Variants in RNGTT observed in about 807,000 individuals in gnomAD.
RNGTT encodes the protein mRNA-capping enzyme.
In RNGTT, 33 loss-of-function variants were observed where a neutral mutation model predicts 79.3. That is an observed-to-expected ratio of 0.42 (90% CI 0.32 to 0.56). The LOEUF (loss-of-function observed/expected upper bound fraction) is 0.56, where lower values mean the gene tolerates loss of function less well. Ranked by LOEUF, RNGTT falls within the 20% of genes least tolerant of loss-of-function variation. The pLI, the probability that RNGTT is intolerant of heterozygous loss-of-function variation, is 0.17. For synonymous variants in RNGTT, 222 were observed against 235.9 expected (o/e 0.94, Z 0.54); for missense variants, 497 against 739.1 (o/e 0.67, Z 3.80).
At chr6:88,688,613 A>T (rs1310633468) in intron 13 of RNGTT, among the ~76,000 whole-genome samples, 1 of 152,246 alleles carries the variant, frequency 6.6e-6, no homozygotes, top group Non-Finnish European at 1.5e-5. Flanking sequence ...AAAATGATGG[A>T]AAGCATGTCA....
chr6:88,815,906 G>GAA (rs1780299376), intron 11 of RNGTT, among the ~76,000 whole-genome samples: 1 of 152,138 alleles, frequency 6.6e-6, no homozygotes, highest in South Asian at 2.1e-4. Context: ...ATGGAAGTGA[G>GAA]ACTTTCAGAA....
At chr6:88,815,914 G>T (rs1054880673) in intron 11 of RNGTT, among the ~76,000 whole-genome samples, 3 of 152,126 alleles carry the variant, frequency 2.0e-5, no homozygotes, top group African/African-American at 7.2e-5. Flanking sequence ...GAGACTTTCA[G>T]AAATAAACTT....
chr6:88,945,337 A>C (rs148839940), intron 1 of RNGTT, among the ~76,000 whole-genome samples: 1 of 152,164 alleles, frequency 6.6e-6, no homozygotes, highest in African/African-American at 2.4e-5. Context: ...CCCACTGAAA[A>C]TATTTGTCAC....
chr6:88,935,583 G>C (rs1047932609), intron 2 of RNGTT, among the ~76,000 whole-genome samples: 3 of 151,704 alleles, frequency 2.0e-5, no homozygotes, highest in African/African-American at 7.3e-5. Flanking sequence ...TAAAAAGTTA[G>C]GAGTTTTTTC....
At chr6:88,674,336 C>A (rs1774775960) in intron 14 of RNGTT, among the ~76,000 whole-genome samples, 1 of 152,040 alleles carries the variant, frequency 6.6e-6, no homozygotes, top group Admixed American at 6.5e-5. Flanking sequence ...TCATTTGAGT[C>A]CAGGAGTTTG....
intron 4 of RNGTT, among the ~76,000 whole-genome samples, chr6:88,914,484 A>G (rs1783933419): frequency 6.6e-6 from 1 of 152,036 alleles, no homozygotes; most frequent in African/African-American, 2.4e-5. Flanking sequence ...AAATAAAGCC[A>G]CATACCTACA....
intron 14 of RNGTT, among the ~76,000 whole-genome samples, chr6:88,637,718 T>C (rs1773150647): frequency 6.6e-6 from 1 of 152,126 alleles, no homozygotes. Flanking sequence ...AGAATCCTAA[T>C]GATCTGAATC....
chr6:88,764,627 T>A (rs1778389681), intron 13 of RNGTT, among the ~76,000 whole-genome samples: 1 of 152,238 alleles, frequency 6.6e-6, no homozygotes, highest in South Asian at 2.1e-4. Context: ...TTCTTATTTG[T>A]TTGTATATAC....
chr6:88,796,391 G>A (rs2127859273), intron 12 of RNGTT, among the ~76,000 whole-genome samples: 1 of 152,224 alleles, frequency 6.6e-6, no homozygotes, highest in African/African-American at 2.4e-5. Context: ...AGATAATACA[G>A]ATACAAAGAG....
chr6:88,769,733 C>G (rs775569000), intron 13 of RNGTT, 41 bp downstream of exon 13: 72 of 1,203,852 alleles, frequency 6.0e-5, no homozygotes, highest in Non-Finnish European at 8.6e-5. Flanking sequence ...CTTACACAAA[C>G]AGTATTATTT....
chr6:88,900,259 A>G (rs967630106), intron 6 of RNGTT, among the ~76,000 whole-genome samples: 1 of 152,194 alleles, frequency 6.6e-6, no homozygotes, highest in African/African-American at 2.4e-5. Flanking sequence ...ACTGGTTTTA[A>G]TATTTTCAAA....
At chr6:88,758,420 T>G (rs1778093598) in intron 13 of RNGTT, among the ~76,000 whole-genome samples, 1 of 152,224 alleles carries the variant, frequency 6.6e-6, no homozygotes, top group East Asian at 1.9e-4. Flanking sequence ...GCCTCAGAGC[T>G]ATTATACTTT....
At chr6:88,614,859 T>C (rs1772161117) in intron 14 of RNGTT, among the ~76,000 whole-genome samples, 2 of 152,222 alleles carry the variant, frequency 1.3e-5, no homozygotes, top group South Asian at 2.1e-4. Context: ...CAATAGTGAA[T>C]ACTAGGATCA....
intron 14 of RNGTT, among the ~76,000 whole-genome samples, chr6:88,656,524 C>T (rs1459870488): frequency 6.6e-6 from 1 of 152,008 alleles, no homozygotes; most frequent in Non-Finnish European, 1.5e-5. Context: ...CTTGAGAGAA[C>T]ATTTTATTCA....
intron 12 of RNGTT, among the ~76,000 whole-genome samples, chr6:88,771,652 C>A (rs924407390): frequency 7.9e-5 from 12 of 151,904 alleles, no homozygotes; most frequent in Non-Finnish European, 1.2e-4. Context: ...GACATCTTAA[C>A]CAAATTGAAT....
Position 88,906,266 on chromosome 6 carries a change from A to T in RNGTT, c.443+99T>A, listed in dbSNP as rs1783650997. The T allele has an allele frequency of 5.9e-6, 4 of 675,636 alleles. No individual in the cohort carries two copies. The Admixed American group carries it at 9.3e-5, about 16-fold the overall frequency. 41.9% of individuals were successfully genotyped at this position (675,636 alleles called of 1,614,324 possible). ...AGCAGTTCAAATTACATTAATCATG[A>T]GTTCACCAAAAACTTGACAATACAA... On this transcript the variant is annotated intron_variant, in intron 5 of 15. Coordinates refer to ENST00000369485, the MANE Select transcript of RNGTT (RefSeq NM_003800.5).
intron 14 of RNGTT, among the ~76,000 whole-genome samples, chr6:88,639,963 A>T (rs752641318): frequency 5.3e-5 from 8 of 152,170 alleles, no homozygotes; most frequent in Non-Finnish European, 1.0e-4. Context: ...AATGACTTCA[A>T]TCAGGGAGGC....
intron 6 of RNGTT, among the ~76,000 whole-genome samples, chr6:88,901,694 A>C (rs896806332): frequency 6.6e-6 from 1 of 151,824 alleles, no homozygotes; most frequent in East Asian, 1.9e-4. Context: ...TTTTTAGTAG[A>C]GACGGGGTTT....
intron 8 of RNGTT, among the ~76,000 whole-genome samples, chr6:88,885,118 TCACACACA>T (rs150058750): frequency 2.7e-5 from 4 of 149,054 alleles, no homozygotes. Context: ...ATGTATATAC[TCACACACA>T]CACACACACA....
Sources: gnomAD v4.1 joint callset for allele counts (sites outside exome capture counted in the v4.1 genomes callset) on GRCh38, gnomAD v4.1.1 for gene constraint, MANE v1.5 for transcripts, NCBI Gene and HGNC (gene_info 2026-07-23, HGNC 2026-07-21) for gene names.